Variants in PCDH15 observed in about 807,000 individuals in gnomAD.
PCDH15 encodes protocadherin-15.
PCDH15 carries 129 observed loss-of-function variants against 178.5 expected under a neutral mutation model. That is an observed-to-expected ratio of 0.72 (90% CI 0.63 to 0.84). The LOEUF is 0.84. Among genes scored for constraint, PCDH15 ranks in the 40% least tolerant of loss-of-function variants. The pLI, the probability that PCDH15 is intolerant of heterozygous loss-of-function variation, is 0.00. For synonymous variants in PCDH15, 800 were observed against 732.0 expected, an observed-to-expected ratio of 1.09 and a Z score of -1.50; for missense variants, 2,230 against 2,099.9, an observed-to-expected ratio of 1.06 and a Z score of -1.21.
intron 3 of PCDH15, among the ~76,000 whole-genome samples, chr10:54,434,420 C>T (rs111791373): frequency 3.8e-4 from 58 of 152,310 alleles, no homozygotes; most frequent in African/African-American, 1.3e-3. Flanking sequence ...TGGTGTACCA[C>T]TGCTTACTAT....
intron 3 of PCDH15, among the ~76,000 whole-genome samples, chr10:54,428,528 G>A (rs1446918537): frequency 1.3e-5 from 2 of 152,196 alleles, no homozygotes; most frequent in African/African-American, 4.8e-5. Context: ...AGTTGCATCT[G>A]CATTGTAGGT....
intron 21 of PCDH15, among the ~76,000 whole-genome samples, chr10:53,973,940 T>C (rs1202068568): frequency 6.6e-6 from 1 of 152,140 alleles, no homozygotes; most frequent in African/African-American, 2.4e-5. Flanking sequence ...GGTTACTAAA[T>C]CAAAGTGAGC....
At chr10:54,658,165 G>C (rs1433193971) in intron 2 of PCDH15, among the ~76,000 whole-genome samples, 1 of 152,002 alleles carries the variant, frequency 6.6e-6, no homozygotes, top group African/African-American at 2.4e-5. Flanking sequence ...CCTATACTTA[G>C]AGGAATTCTT....
intron 2 of PCDH15, among the ~76,000 whole-genome samples, chr10:55,388,933 A>G (rs1049243054): frequency 6.6e-6 from 1 of 152,126 alleles, no homozygotes; most frequent in Admixed American, 6.6e-5. Flanking sequence ...TTCAGAAATT[A>G]TCAGATATGA....
Position 53,938,845 on chromosome 10 carries a change from C to T in PCDH15, c.3343G>A (p.Val1115Ile). 1.2e-6 allele frequency: 2 copies of T among 1,613,490 alleles called. No homozygotes were observed. Among genetic ancestry groups the T allele is most frequent in the Non-Finnish European group, 1.7e-6 (2 of 1,179,636 alleles). The part of the protein sequence containing the change: ...LRVQADSLEV[V>I]LANLRVPSKS... ...GAAGGAACTCGGAGATTGGCAAGGA[C>T]CACTTCCAGGGAATCAGCTTGGACT... The change falls in exon 25 of 38, where the codon GTC becomes ATC. Residue 1115 changes from valine to isoleucine, a missense_variant. Physicochemically the swap from Val to Ile is conservative, Grantham distance 29 (BLOSUM62 3). Coordinates refer to ENST00000644397, the MANE Select transcript of PCDH15 (RefSeq NM_001384140.1).
At chr10:54,719,194 A>T (rs2095516203) in intron 1 of PCDH15, among the ~76,000 whole-genome samples, 1 of 152,178 alleles carries the variant, frequency 6.6e-6, no homozygotes, top group African/African-American at 2.4e-5. Flanking sequence ...CTAGAAATAA[A>T]AAATTCATTA....
intron 2 of PCDH15, among the ~76,000 whole-genome samples, chr10:55,164,280 A>G (rs1342011604): frequency 5.3e-5 from 8 of 151,858 alleles, no homozygotes; most frequent in Admixed American, 2.6e-4. Context: ...ACTGGGTTTC[A>G]CCTATTCAAC....
At chr10:54,673,404 T>C (rs2094714783) in intron 1 of PCDH15, among the ~76,000 whole-genome samples, 1 of 152,108 alleles carries the variant, frequency 6.6e-6, no homozygotes, top group Non-Finnish European at 1.5e-5. Context: ...TTATTAGATA[T>C]AGTTGGTAAT....
intron 1 of PCDH15, among the ~76,000 whole-genome samples, chr10:55,229,812 C>T (rs1025631532): frequency 7.9e-5 from 12 of 151,872 alleles, no homozygotes; most frequent in Non-Finnish European, 1.8e-4. Context: ...TTGATAAAAG[C>T]GGGGGTTCTA....
intron 1 of PCDH15, among the ~76,000 whole-genome samples, chr10:55,290,216 A>G: frequency 6.6e-6 from 1 of 151,828 alleles, no homozygotes; most frequent in East Asian, 1.9e-4. Context: ...CCTCAAGGAG[A>G]TGGGTTGAAG....
intron 2 of PCDH15, among the ~76,000 whole-genome samples, chr10:55,381,477 G>A (rs1202281579): frequency 2.6e-5 from 4 of 152,124 alleles, no homozygotes; most frequent in African/African-American, 9.7e-5. Context: ...GTCCCCAAGA[G>A]AGATGAAAGG....
intron 5 of PCDH15, among the ~76,000 whole-genome samples, chr10:54,350,644 A>G (rs1160857673): frequency 6.6e-6 from 1 of 152,266 alleles, no homozygotes; most frequent in Non-Finnish European, 1.5e-5. Context: ...TGCCAGATGC[A>G]AAAAAGCAGA....
In PCDH15 at chr10:55,063,180, A is replaced by C. The variant is rs1026988847; in HGVS notation, c.-80+103396T>G. Among the ~76,000 whole-genome samples, 13 of 152,226 alleles carry C rather than the reference A, an allele frequency of 8.5e-5. No individual in the cohort carries two copies. The East Asian group carries it at 2.5e-3, about 29-fold the overall frequency. ...ATTTACTATGCCTCTATTTTTTGTT[A>C]ACTGAAAATGTACATAAGTAGACTC... On this transcript the variant is annotated intron_variant, in intron 2 of 5. Transcript: ENST00000458638.
chr10:54,645,413 A>G (rs184990620), intron 2 of PCDH15, among the ~76,000 whole-genome samples: 1 of 152,122 alleles, frequency 6.6e-6, no homozygotes, highest in East Asian at 1.9e-4. Flanking sequence ...ATAGAATAAC[A>G]CCCACACACG....
chr10:54,219,592 C>CAAAAAAAAA (rs763785938), intron 9 of PCDH15, among the ~76,000 whole-genome samples: 4 of 32,380 alleles, frequency 1.2e-4, no homozygotes, highest in Non-Finnish European at 1.3e-4. Flanking sequence ...GACTCCATCT[C>CAAAAAAAAA]AAAAAAAAAA....
intron 2 of PCDH15, among the ~76,000 whole-genome samples, chr10:55,536,330 CA>C (rs1841577500): frequency 1.3e-5 from 2 of 151,960 alleles, no homozygotes; most frequent in African/African-American, 4.8e-5. Context: ...CATTATGCTC[CA>C]AAATTTGTCA....
chr10:55,392,883 A>G (rs888407072), intron 2 of PCDH15, among the ~76,000 whole-genome samples: 2 of 152,002 alleles, frequency 1.3e-5, no homozygotes, highest in African/African-American at 4.8e-5. Context: ...CTTTTAATGT[A>G]TTAGCTCATT....
At chr10:55,381,137 A>G (rs2132001200) in intron 2 of PCDH15, among the ~76,000 whole-genome samples, 1 of 152,260 alleles carries the variant, frequency 6.6e-6, no homozygotes, top group Non-Finnish European at 1.5e-5. Flanking sequence ...TCCAGGCAGG[A>G]GCAGAAAAGT....
intron 2 of PCDH15, among the ~76,000 whole-genome samples, chr10:55,161,579 GA>G (rs1371126778): frequency 2.0e-5 from 3 of 152,128 alleles, no homozygotes; most frequent in Non-Finnish European, 4.4e-5. Context: ...GCCCTTTATA[GA>G]AAAACTTTGC....
Sources: gnomAD v4.1 joint callset for allele counts (sites outside exome capture counted in the v4.1 genomes callset) on GRCh38, gnomAD v4.1.1 for gene constraint, MANE v1.5 for transcripts, NCBI Gene and HGNC (gene_info 2026-07-23, HGNC 2026-07-21) for gene names.